MAPT: variants seen among roughly 807,000 people sequenced by gnomAD.
MAPT encodes the protein microtubule associated protein tau, also known as microtubule-associated protein tau.
MAPT carries 34 observed loss-of-function variants against 67.9 expected under a neutral mutation model. The observed-to-expected ratio is 0.50, with a 90% CI of 0.38 to 0.67. The LOEUF (loss-of-function observed/expected upper bound fraction) is 0.67, where lower values mean the gene tolerates loss of function less well. Among genes scored for constraint, MAPT ranks in the 30% least tolerant of loss-of-function variants. MAPT has a pLI of 0.00. For missense variants in MAPT, 881 were observed against 1,115.2 expected, an observed-to-expected ratio of 0.79 and a Z score of 2.99; for synonymous variants, 456 against 464.5, an observed-to-expected ratio of 0.98 and a Z score of 0.23.
At chr17:45,954,630 A>G (rs1415853081) in intron 1 of MAPT, among the ~76,000 whole-genome samples, 1 of 152,112 alleles carries the variant, frequency 6.6e-6, no homozygotes, top group Non-Finnish European at 1.5e-5. Context: ...CTCCAAATAA[A>G]TAAATAATGC....
chr17:45,901,136 A>C (rs1350037809), intron 1 of MAPT, among the ~76,000 whole-genome samples: 1 of 152,214 alleles, frequency 6.6e-6, no homozygotes, highest in Non-Finnish European at 1.5e-5. Flanking sequence ...CCATGTTTAA[A>C]TGTACACACA....
intron 1 of MAPT, among the ~76,000 whole-genome samples, chr17:45,901,363 C>T (rs1255053908): frequency 2.6e-5 from 4 of 152,050 alleles, no homozygotes; most frequent in Non-Finnish European, 4.4e-5. Flanking sequence ...GAGGGCTGAT[C>T]GAGAAAGTAA....
At chr17:45,989,829 C>T (rs745426933) in intron 6 of MAPT, 49 bp from the exon 7 acceptor site, 18 of 1,530,054 alleles carry the variant, frequency 1.2e-5, no homozygotes, top group Non-Finnish European at 1.6e-5. Context: ...TTGTTTCCCT[C>T]CTCCATGTGC....
intron 1 of MAPT, among the ~76,000 whole-genome samples, chr17:45,941,691 C>T (rs1261389769): frequency 1.3e-5 from 1 of 75,854 alleles, no homozygotes; most frequent in African/African-American, 6.5e-5. Context: ...TCCTTCCTTC[C>T]TTCCTTCCTG....
At chr17:45,952,834 A>G (rs1339740571) in intron 1 of MAPT, among the ~76,000 whole-genome samples, 17 of 152,208 alleles carry the variant, frequency 1.1e-4, no homozygotes, top group Admixed American at 1.1e-3. Flanking sequence ...TCCATACCCT[A>G]GACCTGCACC....
intron 1 of MAPT, among the ~76,000 whole-genome samples, chr17:45,961,785 T>TG (rs1289318128): frequency 1.3e-5 from 2 of 151,426 alleles, no homozygotes; most frequent in Non-Finnish European, 3.0e-5. Flanking sequence ...GTTTTTTTTT[T>TG]TTTGTTTTGA....
chr17:46,005,381 T>A (rs747959304), intron 9 of MAPT, among the ~76,000 whole-genome samples: 1 of 152,204 alleles, frequency 6.6e-6, no homozygotes, highest in Non-Finnish European at 1.5e-5. Context: ...TTATTGTGTG[T>A]GTTTTCTAAT....
At chr17:45,909,818 T>C (rs111447859) in intron 1 of MAPT, among the ~76,000 whole-genome samples, 21,368 of 141,828 alleles carry the variant, frequency 0.15, 2,087 homozygotes, top group Middle Eastern at 0.24. Flanking sequence ...TGCAGTGAGC[T>C]GAGATGGTGC....
rs1568207099 is a variant in MAPT at position 45,941,656 on chromosome 17, ACCCTTCCC to A, written c.-17-20648_-17-20641del. 1.1e-3 allele frequency among the ~76,000 whole-genome samples: 12 copies of A among 10,542 alleles called. 1 individual carries two copies. The highest frequency in any genetic ancestry group is 2.0e-3 in the African/African-American group (8 of 4,040). The allele number at this position is 10,542 out of a possible 152,430, so 6.9% of individuals were successfully genotyped here. Reference sequence around the variant, plus strand: ...CCTCTTTCCCTCCTTCCCCCCTTCCACCCTTCCCCCCTTCCCCCCTTCCCTCCTTCCTT... The same window carrying A: ...CCTCTTTCCCTCCTTCCCCCCTTCCACCCTTCCCCCCTTCCCTCCTTCCTT... On this transcript the variant is annotated intron_variant, in intron 1 of 12. Coordinates refer to ENST00000262410, the MANE Select transcript of MAPT (RefSeq NM_001377265.1).
In MAPT at chr17:45,996,744, C is replaced by T. The variant is rs113609043; in HGVS notation, c.1998+80C>T. 250 of 1,566,182 alleles carry T rather than the reference C, an allele frequency of 1.6e-4. No individual in the cohort carries two copies. The African/African-American group carries it at 2.8e-3, about 18-fold the overall frequency. On this transcript the variant is annotated intron_variant, in intron 9 of 12. Coordinates refer to ENST00000262410, the MANE Select transcript of MAPT (RefSeq NM_001377265.1). This position sits in a 1 kb window ranked among gnomAD's most constrained non-coding sequence, Gnocchi z 4.5. ...GGCTGTGCCTGGAAGGGTAGGGCTG[C>T]GCCTGGAGGTGCGCGGTTGAGCGTG...
intron 4 of MAPT, chr17:45,978,654 T>C: frequency 1.7e-6 from 1 of 574,784 alleles, no homozygotes; most frequent in Non-Finnish European, 3.1e-6. Context: ...CCTAAGGCAT[T>C]TAGTGTTCTG....
chr17:45,971,812 C>A lies in MAPT; in HGVS notation c.134-47C>A. On this transcript the variant is annotated intron_variant, in intron 2 of 12. Transcript: ENST00000262410. This position sits in a 1 kb window ranked among gnomAD's most constrained non-coding sequence, Gnocchi z 4.3. ...AGTTCCTCCTGAGAACAAAAGGGGG[C>A]GCTGGGGAGAGGCCACCGTTCTGAG... 1 of 1,330,558 alleles carries A rather than the reference C, an allele frequency of 7.5e-7. No homozygotes were observed. The highest frequency in any genetic ancestry group is 1.1e-6 in the Non-Finnish European group (1 of 921,638). The allele number at this position is 1,330,558 out of a possible 1,614,324, so 82.4% of individuals were successfully genotyped here. A position where few individuals can be genotyped will look rare whatever the true frequency, so the allele number is the denominator to read the frequency against.
intron 1 of MAPT, among the ~76,000 whole-genome samples, chr17:45,903,355 C>T (rs571874534): frequency 1.2e-4 from 18 of 152,222 alleles, no homozygotes; most frequent in African/African-American, 4.3e-4. Context: ...TGGCACCAAA[C>T]TATTGTCTTG....
At chr17:45,914,129 A>T (rs1225946022) in intron 1 of MAPT, among the ~76,000 whole-genome samples, 2 of 125,122 alleles carry the variant, frequency 1.6e-5, no homozygotes, top group Non-Finnish European at 4.0e-5. Flanking sequence ...CCATCCAGGC[A>T]AGTGACAGAA....
At chr17:45,999,718 C>T (rs371303310) in intron 9 of MAPT, 183 of 1,433,322 alleles carry the variant, frequency 1.3e-4, no homozygotes, top group Non-Finnish European at 1.6e-4. Context: ...TGGGTGGAGG[C>T]AGCACGTCCA....
chr17:46,010,348 C>T lies in MAPT; in HGVS notation c.2037C>T (p.Val679=). The change falls in exon 10 of 13, where the codon GTC becomes GTT. Residue 679 remains valine, a synonymous_variant. Transcript: ENST00000262410. This position sits in a 1 kb window ranked among gnomAD's most constrained non-coding sequence, Gnocchi z 4.7. ...ATAAGAAGCTGGATCTTAGCAACGT[C>T]CAGTCCAAGTGTGGCTCAAAGGATA... The part of the protein sequence containing the change: ...IINKKLDLSN[V]QSKCGSKDNI... The T allele has an allele frequency of 6.3e-7, 1 of 1,582,386 alleles. No homozygotes were observed. Among genetic ancestry groups the T allele is most frequent in the Non-Finnish European group, 8.6e-7 (1 of 1,163,234 alleles).
chr17:46,004,160 G>C (rs537103026), intron 9 of MAPT, among the ~76,000 whole-genome samples: 34 of 152,298 alleles, frequency 2.2e-4, no homozygotes, highest in Non-Finnish European at 4.1e-4. Flanking sequence ...GACAGGCCAA[G>C]TCTGGGCCAG....
At chr17:46,005,589 A>G (rs1426018929) in intron 9 of MAPT, among the ~76,000 whole-genome samples, 1 of 151,640 alleles carries the variant, frequency 6.6e-6, no homozygotes, top group South Asian at 2.1e-4. Context: ...CATTAAAACT[A>G]TTTTTTTTTA....
chr17:46,013,297 C>A (rs1226386688), intron 10 of MAPT, among the ~76,000 whole-genome samples: 11 of 152,214 alleles, frequency 7.2e-5, no homozygotes. Context: ...ACCTGCCCCC[C>A]AGGCCCCACA....
Sources: allele counts gnomAD v4.1 joint callset (sites outside exome capture counted in the v4.1 genomes callset), GRCh38; gene constraint gnomAD v4.1.1; non-coding constraint Gnocchi (gnomAD v3.1); transcripts MANE v1.5; gene names NCBI Gene and HGNC (gene_info 2026-07-23, HGNC 2026-07-21).